Variants in EDDM13 observed in about 807,000 individuals in gnomAD.
The protein encoded by EDDM13 is epididymal protein 13.
EDDM13 carries 24 observed loss-of-function variants against 17.8 expected under a neutral mutation model. That is an observed-to-expected ratio of 1.35 (90% CI 0.98 to 1.90). EDDM13 has a LOEUF of 1.90. Ranked by LOEUF, EDDM13 falls within the 40% of genes most tolerant of loss-of-function variation. The pLI, the probability that EDDM13 is intolerant of heterozygous loss-of-function variation, is 0.00. For synonymous variants in EDDM13, 31 were observed against 37.5 expected, an observed-to-expected ratio of 0.83 and a Z score of 0.63; for missense variants, 97 against 100.8, an observed-to-expected ratio of 0.96 and a Z score of 0.16.
At chr19:56,307,261 C>T (rs1360340192) in intron 14 of EDDM13, among the ~76,000 whole-genome samples, 1 of 152,224 alleles carries the variant, frequency 6.6e-6, no homozygotes, top group Non-Finnish European at 1.5e-5. Context: ...TCCCCAGTGC[C>T]CTTTTTACAT....
chr19:56,301,954 A>G lies in EDDM13; in HGVS notation c.296-14A>G, dbSNP rs1237865186. ...AAGGCCATCAGCATCAATCATCTCCACGGTTCTCTCCAGTTAAACCCTTCT... is the reference window on the plus strand; with the variant it reads ...AAGGCCATCAGCATCAATCATCTCCGCGGTTCTCTCCAGTTAAACCCTTCT... On this transcript the variant is annotated splice_polypyrimidine_tract_variant and intron_variant, in intron 12 of 14. Transcript: ENST00000649256. 1.6e-6 allele frequency: 2 copies of G among 1,231,864 alleles called. No individual in the cohort carries two copies. The highest frequency in any genetic ancestry group is 3.1e-5 in the African/African-American group (2 of 64,340). 76.3% of individuals were successfully genotyped at this position (1,231,864 alleles called of 1,614,324 possible). A position where few individuals can be genotyped will look rare whatever the true frequency, so the allele number is the denominator to read the frequency against.
chr19:56,301,871 G>T, intron 12 of EDDM13, 97 bp from the exon 13 acceptor site: 2 of 1,223,244 alleles, frequency 1.6e-6, no homozygotes, highest in South Asian at 8.5e-5. Flanking sequence ...GCAGAGATGT[G>T]AGTTTGGAGA....
At chr19:56,301,938 A>G (rs2040260402) in intron 12 of EDDM13, 30 bp from the exon 13 acceptor site, 1 of 1,231,946 alleles carries the variant, frequency 8.1e-7, no homozygotes. Context: ...GAAGGCCATC[A>G]GCATCAATCA....
At chr19:56,309,512 T>C (rs2040898208) in intron 14 of EDDM13, among the ~76,000 whole-genome samples, 1 of 152,248 alleles carries the variant, frequency 6.6e-6, no homozygotes, top group Non-Finnish European at 1.5e-5. Context: ...TTAAAAGGGA[T>C]GCAGGCTGCA....
chr19:56,272,808 A>G lies in EDDM13; in HGVS notation c.-27A>G. On this transcript the variant is annotated 5_prime_UTR_variant, in exon 1 of 15. Transcript: ENST00000649256. ...GAGTCCTGTCTATCCTAGGAGGAGA[A>G]CATTCAGCCCAAATCCCAGCCCCAT... is the stretch of plus-strand genomic sequence containing the variant. 1.1e-6 allele frequency: 1 copy of G among 944,696 alleles called. No individual in the cohort carries two copies. The highest frequency in any genetic ancestry group is 1.3e-6 in the Non-Finnish European group (1 of 792,856). 58.5% of individuals were successfully genotyped at this position (944,696 alleles called of 1,614,324 possible).
At chr19:56,301,833 T>C in intron 12 of EDDM13, 135 bp from the exon 13 acceptor site, 1 of 1,059,436 alleles carries the variant, frequency 9.4e-7, no homozygotes, top group Non-Finnish European at 1.2e-6. Flanking sequence ...ATGGTGGGTG[T>C]GGACCAAAAT....
chr19:56,307,335 A>AT (rs2040758834), intron 14 of EDDM13, among the ~76,000 whole-genome samples: 1 of 152,142 alleles, frequency 6.6e-6, no homozygotes, highest in Non-Finnish European at 1.5e-5. Flanking sequence ...GCTTAAATCC[A>AT]CCAGTGGAAA....
At chr19:56,282,935 C>T (rs984329016) in intron 4 of EDDM13, 1 of 152,230 alleles carries the variant, frequency 6.6e-6, no homozygotes, top group African/African-American at 2.4e-5. Flanking sequence ...TGGAATGAGA[C>T]CATGGCTTTG....
intron 6 of EDDM13, among the ~76,000 whole-genome samples, chr19:56,286,844 G>A (rs549585913): frequency 6.5e-4 from 99 of 152,298 alleles, no homozygotes; most frequent in African/African-American, 2.2e-3. Flanking sequence ...AGAGATGCCC[G>A]GCAGAGCGAA....
chr19:56,288,623 G>C (rs924321297), intron 7 of EDDM13, among the ~76,000 whole-genome samples, 185 bp downstream of exon 7: 1 of 152,222 alleles, frequency 6.6e-6, no homozygotes, highest in Non-Finnish European at 1.5e-5. Context: ...TACCTTGCGT[G>C]ATGCCCAGCA....
Position 56,297,520 on chromosome 19 carries a change from G to C in EDDM13, c.284G>C (p.Cys95Ser), listed in dbSNP as rs1265085644. 4.6e-5 allele frequency: 45 copies of C among 985,002 alleles called. No individual in the cohort carries two copies. Among genetic ancestry groups the C allele is most frequent in the Non-Finnish European group, 5.1e-5 (42 of 829,822 alleles). The allele number at this position is 985,002 out of a possible 1,614,324, so 61.0% of individuals were successfully genotyped here. A position where few individuals can be genotyped will look rare whatever the true frequency, so the allele number is the denominator to read the frequency against. The change falls in exon 12 of 15, where the codon TGC becomes TCC. Residue 95 changes from cysteine (C) to serine (S), a missense_variant. Cys to Ser is a moderately radical substitution (Grantham distance 112, BLOSUM62 -1). Coordinates refer to ENST00000649256, the MANE Select transcript of EDDM13 (RefSeq NM_001354658.2). ...LQVLHEETSGCKEEVKPFSGT... is the reference protein window; with the variant it reads ...LQVLHEETSGSKEEVKPFSGT... ...TCATTTTTAGAAGAAACAAGTGGCT[G>C]CAAGGAGGAAGGTAAGTGCTTGGGG...
chr19:56,307,879 G>A (rs10404293), intron 14 of EDDM13, among the ~76,000 whole-genome samples: 63,042 of 152,030 alleles, frequency 0.41, 13,299 homozygotes, highest in Middle Eastern at 0.58. Context: ...AAGATCCCAA[G>A]TTTTCAGGGA....
intron 11 of EDDM13, among the ~76,000 whole-genome samples, chr19:56,297,240 G>C (rs113977347): frequency 6.6e-6 from 1 of 152,070 alleles, no homozygotes; most frequent in African/African-American, 2.4e-5. Flanking sequence ...GGGACACAGG[G>C]AGACTAACTT....
chr19:56,296,589 G>A (rs2039892581), intron 11 of EDDM13, among the ~76,000 whole-genome samples: 1 of 152,066 alleles, frequency 6.6e-6, no homozygotes, highest in South Asian at 2.1e-4. Context: ...AGATGCAGCA[G>A]AGGATAAAAC....
intron 5 of EDDM13, 115 bp from the exon 6 acceptor site, chr19:56,284,883 A>C (rs2038989064): frequency 2.9e-6 from 1 of 340,220 alleles, no homozygotes; most frequent in African/African-American, 2.2e-5. Flanking sequence ...GAGGCATTAT[A>C]GCCACACTTC....
chr19:56,306,186 C>T (rs918888746), intron 14 of EDDM13, among the ~76,000 whole-genome samples: 8 of 152,192 alleles, frequency 5.3e-5, no homozygotes, highest in Middle Eastern at 3.2e-3. Flanking sequence ...CACGAGATGA[C>T]GGTAGCCTGG....
intron 9 of EDDM13, among the ~76,000 whole-genome samples, chr19:56,291,138 G>A (rs757471912): frequency 3.3e-5 from 5 of 152,142 alleles, no homozygotes; most frequent in Admixed American, 6.5e-5. Flanking sequence ...TCACAGGACC[G>A]TTGCCCCAGA....
At chr19:56,285,059 T>C (rs1439434573) in intron 6 of EDDM13, 35 bp downstream of exon 6, 4 of 980,552 alleles carry the variant, frequency 4.1e-6, no homozygotes, top group Non-Finnish European at 3.6e-6. Flanking sequence ...AAACCTGGTC[T>C]TTCTCTTGTC....
chr19:56,274,127 G>A (rs2038068458), intron 1 of EDDM13, among the ~76,000 whole-genome samples: 1 of 152,106 alleles, frequency 6.6e-6, no homozygotes, highest in African/African-American at 2.4e-5. Flanking sequence ...ATTTGCAACT[G>A]GGGAATTGAG....
Sources: allele counts gnomAD v4.1 joint callset (sites outside exome capture counted in the v4.1 genomes callset), GRCh38; gene constraint gnomAD v4.1.1; transcripts MANE v1.5; gene names NCBI Gene and HGNC (gene_info 2026-07-23, HGNC 2026-07-21).